DLG2: variants seen among roughly 807,000 people sequenced by gnomAD.
DLG2 encodes the protein disks large homolog 2.
A neutral mutation model predicts 132.5 loss-of-function variants in DLG2; 45 were observed. That is an observed-to-expected ratio of 0.34 (90% CI 0.27 to 0.44). The LOEUF (loss-of-function observed/expected upper bound fraction) is 0.44. Ranked by LOEUF, DLG2 falls within the 20% of genes least tolerant of loss-of-function variation. The probability of loss-of-function intolerance (pLI) is 1.00; values close to 1 mark genes in which losing one functional copy is unlikely to be tolerated. For synonymous variants in DLG2, 424 were observed against 419.6 expected (o/e 1.01, Z -0.13); for missense variants, 1,045 against 1,196.9 (o/e 0.87, Z 1.87).
intron 21 of DLG2, among the ~76,000 whole-genome samples, chr11:83,500,914 T>G (rs892698317): frequency 6.6e-6 from 1 of 152,134 alleles, no homozygotes; most frequent in Non-Finnish European, 1.5e-5. Context: ...GCTTTGTGAC[T>G]CCTATTAATT....
At chr11:85,408,171 A>G (rs945864369) in intron 3 of DLG2, among the ~76,000 whole-genome samples, 1 of 149,140 alleles carries the variant, frequency 6.7e-6, no homozygotes, top group African/African-American at 2.4e-5. Flanking sequence ...TTAATATATA[A>G]TATCTAATAT....
intron 3 of DLG2, among the ~76,000 whole-genome samples, chr11:85,381,428 A>G (rs1166838634): frequency 6.6e-6 from 1 of 152,334 alleles, no homozygotes; most frequent in Admixed American, 6.5e-5. Context: ...GTTTTCCCCT[A>G]AGATCAGGAA....
chr11:84,829,064 T>C (rs2078691277), intron 6 of DLG2, among the ~76,000 whole-genome samples: 2 of 151,704 alleles, frequency 1.3e-5, no homozygotes, highest in African/African-American at 4.8e-5. Context: ...TATTTCAGGT[T>C]ACACAAAGAC....
intron 3 of DLG2, among the ~76,000 whole-genome samples, chr11:85,440,422 T>A (rs567144647): frequency 6.6e-6 from 1 of 152,330 alleles, no homozygotes; most frequent in South Asian, 2.1e-4. Flanking sequence ...TGTCACTATA[T>A]TGTAACCAGA....
chr11:84,163,926 A>G (rs772194025), intron 8 of DLG2, among the ~76,000 whole-genome samples: 1 of 152,194 alleles, frequency 6.6e-6, no homozygotes, highest in African/African-American at 2.4e-5. Context: ...GCAGAACAAC[A>G]TTGTTCCATT....
chr11:84,882,058 T>C (rs17808749), intron 6 of DLG2, among the ~76,000 whole-genome samples: 9,460 of 152,240 alleles, frequency 0.062, 418 homozygotes, highest in Middle Eastern at 0.16. Flanking sequence ...GGTCACTTTA[T>C]GGAATTCTTG....
chr11:84,983,795 A>C (rs2056106820), intron 6 of DLG2, among the ~76,000 whole-genome samples: 1 of 152,202 alleles, frequency 6.6e-6, no homozygotes, highest in African/African-American at 2.4e-5. Context: ...GACAGCATAA[A>C]GAAAAAACAG....
At chr11:85,069,186 A>C (rs1433005961) in intron 6 of DLG2, among the ~76,000 whole-genome samples, 1 of 152,090 alleles carries the variant, frequency 6.6e-6, no homozygotes. Context: ...TTAGACCTAA[A>C]ACCATAAAAA....
At chr11:85,424,093 G>A (rs1308949941) in intron 3 of DLG2, among the ~76,000 whole-genome samples, 3 of 152,170 alleles carry the variant, frequency 2.0e-5, no homozygotes, top group Non-Finnish European at 4.4e-5. Flanking sequence ...GGGACCCATT[G>A]CTTCGTCTAC....
At chr11:85,018,001 A>C (rs2154138378) in intron 6 of DLG2, among the ~76,000 whole-genome samples, 1 of 152,290 alleles carries the variant, frequency 6.6e-6, no homozygotes, top group Non-Finnish European at 1.5e-5. Context: ...TAATGATATA[A>C]GTGTGTCTGG....
chr11:83,902,126 C>T (rs993055701), intron 15 of DLG2, among the ~76,000 whole-genome samples: 2 of 152,126 alleles, frequency 1.3e-5, no homozygotes, highest in African/African-American at 4.8e-5. Flanking sequence ...ACCATTTAGC[C>T]TTATGTCCCT....
chr11:85,601,883 C>T (rs1488769354), intron 2 of DLG2, among the ~76,000 whole-genome samples: 1 of 152,132 alleles, frequency 6.6e-6, no homozygotes, highest in African/African-American at 2.4e-5. Context: ...TTTAATCTTA[C>T]TCCCTGGATA....
At chr11:84,635,266 T>C (rs1253360966) in intron 6 of DLG2, among the ~76,000 whole-genome samples, 1 of 152,216 alleles carries the variant, frequency 6.6e-6, no homozygotes, top group East Asian at 1.9e-4. Flanking sequence ...GCCTTTCTGA[T>C]AAAGGCTTGA....
intron 3 of DLG2, among the ~76,000 whole-genome samples, chr11:85,422,045 T>C (rs2090354863): frequency 6.6e-6 from 1 of 152,234 alleles, no homozygotes; most frequent in South Asian, 2.1e-4. Flanking sequence ...AAGTTTCTGC[T>C]GAGAAATGTG....
intron 6 of DLG2, among the ~76,000 whole-genome samples, chr11:85,002,564 G>C (rs983067887): frequency 6.6e-6 from 1 of 152,118 alleles, no homozygotes; most frequent in Non-Finnish European, 1.5e-5. Context: ...GTAGAACCAT[G>C]TGCTGGTTTA....
In DLG2 at chr11:84,387,766, T is replaced by A. The variant is rs544950537; in HGVS notation, c.520-136475A>T. 1.2e-3 allele frequency among the ~76,000 whole-genome samples: 179 copies of A among 152,318 alleles called. 5 individuals are homozygous for A. The South Asian group carries it at 0.035, about 30-fold the overall frequency. On this transcript the variant is annotated intron_variant, in intron 7 of 27. Coordinates refer to ENST00000376104, the MANE Select transcript of DLG2 (RefSeq NM_001142699.3). ...CCTTACGTATACTTCAAGTATCTTT[T>A]CAGGTTTACTCAGAAGACCACGGGA...
intron 6 of DLG2, among the ~76,000 whole-genome samples, chr11:84,879,557 A>G (rs1307902004): frequency 2.0e-5 from 3 of 152,096 alleles, no homozygotes; most frequent in Non-Finnish European, 4.4e-5. Flanking sequence ...GGGTCAGAGG[A>G]AAAGCACATT....
At chr11:85,016,078 G>T (rs941311628) in intron 6 of DLG2, among the ~76,000 whole-genome samples, 17 of 151,890 alleles carry the variant, frequency 1.1e-4, no homozygotes, top group Admixed American at 5.3e-4. Flanking sequence ...AGGTAAAAAC[G>T]TCATTGTCAA....
At chr11:84,692,865 C>T (rs2058202691) in intron 6 of DLG2, among the ~76,000 whole-genome samples, 1 of 151,586 alleles carries the variant, frequency 6.6e-6, no homozygotes, top group Non-Finnish European at 1.5e-5. Context: ...TTATCATTTG[C>T]CAGGTACTAA....
Sources: allele counts gnomAD v4.1 joint callset (sites outside exome capture counted in the v4.1 genomes callset), GRCh38; gene constraint gnomAD v4.1.1; transcripts MANE v1.5; gene names NCBI Gene and HGNC (gene_info 2026-07-23, HGNC 2026-07-21).